RYR3: variants seen among roughly 807,000 people sequenced by gnomAD.
RYR3 encodes the protein brain ryanodine receptor-calcium release channel.
RYR3 carries 207 observed loss-of-function variants against 584.3 expected under a neutral mutation model. That is an observed-to-expected ratio of 0.35 (90% CI 0.32 to 0.40). The LOEUF is 0.40. Ranked by LOEUF, RYR3 falls within the 10% of genes least tolerant of loss-of-function variation. RYR3 has a pLI of 1.00. For synonymous variants in RYR3, 2,416 were observed against 2,248.5 expected (o/e 1.07, Z -2.11); for missense variants, 5,616 against 6,089.2 (o/e 0.92, Z 2.59).
intron 32 of RYR3, among the ~76,000 whole-genome samples, chr15:33,656,914 A>C (rs2062850838): frequency 6.6e-6 from 1 of 152,220 alleles, no homozygotes; most frequent in Non-Finnish European, 1.5e-5. Context: ...TGAAAAGGCC[A>C]ACAAGGTCTC....
At chr15:33,382,905 T>A (rs1426704459) in intron 1 of RYR3, among the ~76,000 whole-genome samples, 1 of 151,832 alleles carries the variant, frequency 6.6e-6, no homozygotes, top group African/African-American at 2.4e-5. Flanking sequence ...TTGGTAATAT[T>A]TGAAATTTTA....
chr15:33,492,874 G>A (rs2051092028), intron 2 of RYR3, among the ~76,000 whole-genome samples: 1 of 152,098 alleles, frequency 6.6e-6, no homozygotes, highest in Non-Finnish European at 1.5e-5. Context: ...GTCATGCAAT[G>A]AAAAGGCCAA....
chr15:33,784,062 G>A lies in RYR3; in HGVS notation c.9269-1600G>A, dbSNP rs114298855. 6.6e-3 allele frequency among the ~76,000 whole-genome samples: 1,007 copies of A among 152,278 alleles called. 17 individuals carry two copies. Among genetic ancestry groups the A allele is most frequent in the African/African-American group, 0.023 (960 of 41,566 alleles). On this transcript the variant is annotated intron_variant, in intron 65 of 103. Coordinates refer to ENST00000634891, the MANE Select transcript of RYR3 (RefSeq NM_001036.6). ...TGATAGCAACAAAAGTCATCACTAC[G>A]GAAAGGCTAATAGTGCTTCACTGGG...
At chr15:33,343,362 A>G (rs1972060734) in intron 1 of RYR3, among the ~76,000 whole-genome samples, 1 of 152,100 alleles carries the variant, frequency 6.6e-6, no homozygotes, top group South Asian at 2.1e-4. Context: ...TCTATTCCCT[A>G]TCTCTTTTAC....
intron 1 of RYR3, among the ~76,000 whole-genome samples, chr15:33,323,746 T>G (rs1051719147): frequency 6.6e-5 from 10 of 152,190 alleles, no homozygotes; most frequent in African/African-American, 2.4e-4. Flanking sequence ...CTCAACCACA[T>G]CCTGTGCTTG....
At chr15:33,704,428 A>T (rs2066538839) in intron 42 of RYR3, among the ~76,000 whole-genome samples, 1 of 152,208 alleles carries the variant, frequency 6.6e-6, no homozygotes, top group South Asian at 2.1e-4. Context: ...TTGCTCCTCC[A>T]GGCTCTGTAG....
At chr15:33,462,997 C>G (rs1392452395) in intron 1 of RYR3, among the ~76,000 whole-genome samples, 1 of 151,896 alleles carries the variant, frequency 6.6e-6, no homozygotes, top group African/African-American at 2.4e-5. Flanking sequence ...ATGGCAAAAC[C>G]CCGTCTCTAC....
chr15:33,696,051 T>C (rs2065838722), intron 38 of RYR3, among the ~76,000 whole-genome samples, 167 bp from the exon 39 acceptor site: 1 of 141,042 alleles, frequency 7.1e-6, no homozygotes. Flanking sequence ...AGCCTCAGCC[T>C]CCCAAATTGC....
chr15:33,463,847 C>T (rs770611260), intron 1 of RYR3, among the ~76,000 whole-genome samples: 15 of 152,138 alleles, frequency 9.9e-5, no homozygotes, highest in Non-Finnish European at 2.2e-4. Context: ...TGCTGGAGCC[C>T]AAAGGGTCCT....
chr15:33,465,751 G>A (rs1259998378), intron 1 of RYR3: 2 of 518,946 alleles, frequency 3.9e-6, no homozygotes, highest in African/African-American at 1.9e-5. Flanking sequence ...CTAGGTGGTG[G>A]TGGTGAAGAG....
chr15:33,450,300 A>G (rs1167118877), intron 1 of RYR3, among the ~76,000 whole-genome samples: 1 of 152,082 alleles, frequency 6.6e-6, no homozygotes. Context: ...TAATGGCTGT[A>G]CTTTATTTGG....
intron 67 of RYR3, among the ~76,000 whole-genome samples, chr15:33,792,781 G>T (rs750990241): frequency 6.6e-6 from 1 of 152,122 alleles, no homozygotes; most frequent in Non-Finnish European, 1.5e-5. Flanking sequence ...GTATCTTAGG[G>T]TATGACCCTT....
At position 33,838,940 on chromosome 15, in the gene RYR3, GA is replaced by G. The variant is rs1397919169; in HGVS notation, c.12962del (p.Lys4321ArgfsTer10). On this transcript the variant is annotated frameshift_variant, in exon 89 of 104. Coordinates refer to ENST00000634891, the MANE Select transcript of RYR3 (RefSeq NM_001036.6). LOFTEE classifies it high-confidence loss of function. ...CCCCTACATTAGAGAGTACTGTACA[GA>G]AGAAGAGGAAAGCTCAGGTAAGTGT... ...EPPTLESTVQKKRKAQAAEMK... is the reference protein window; with the variant it reads ...EPPTLESTVQXKRKAQAAEMK... The G allele has an allele frequency of 6.2e-7, 1 of 1,608,572 alleles. No homozygotes were observed. Among genetic ancestry groups the G allele is most frequent in the East Asian group, 2.2e-5 (1 of 44,866 alleles).
At position 33,788,208 on chromosome 15, in the gene RYR3, G is replaced by T. The variant is rs759672390; in HGVS notation, c.9590-10G>T. On this transcript the variant is annotated splice_polypyrimidine_tract_variant and intron_variant, in intron 66 of 103. Transcript: ENST00000634891. ...ACGTGAAATGACGGGGAGGCTCTTTGTAAACGCAGTGTATGCACAGCCCAT... is the reference window on the plus strand; with the variant it reads ...ACGTGAAATGACGGGGAGGCTCTTTTTAAACGCAGTGTATGCACAGCCCAT... 13 of 1,613,398 alleles carry T rather than the reference G, an allele frequency of 8.1e-6. No individual in the cohort carries two copies. Among genetic ancestry groups the T allele is most frequent in the Non-Finnish European group, 1.1e-5 (13 of 1,179,574 alleles).
At chr15:33,834,438 C>T (rs776550670) in intron 86 of RYR3, among the ~76,000 whole-genome samples, 30 of 151,284 alleles carry the variant, frequency 2.0e-4, no homozygotes, top group Admixed American at 1.6e-3. Flanking sequence ...AAATCCTAGA[C>T]GTGGTTGAAT....
chr15:33,838,627 G>A lies in RYR3; in HGVS notation c.12647G>A (p.Gly4216Glu), dbSNP rs2078179226. 1 of 1,613,918 alleles carries A rather than the reference G, an allele frequency of 6.2e-7. No individual in the cohort carries two copies. The change falls in exon 89 of 104, where the codon GGA (glycine) becomes GAA (glutamate). Residue 4216 changes from glycine to glutamate, a missense_variant. Transcript: ENST00000634891. The part of the protein sequence containing the change: ...IFQILWSTVF[G>E]GGLVEGAKNI... ...CAGATCCTCTGGAGCACAGTGTTTG[G>A]AGGGGGCCTGGTAGAAGGGGCAAAG...
At chr15:33,675,716 G>A (rs1334762248) in intron 38 of RYR3, among the ~76,000 whole-genome samples, 3 of 152,208 alleles carry the variant, frequency 2.0e-5, no homozygotes, top group Non-Finnish European at 4.4e-5. Flanking sequence ...TTGCTTAAAT[G>A]TGTGTCTGGC....
At chr15:33,554,864 G>A (rs1567524063) in intron 10 of RYR3, among the ~76,000 whole-genome samples, 2 of 152,144 alleles carry the variant, frequency 1.3e-5, no homozygotes, top group Non-Finnish European at 2.9e-5. Flanking sequence ...TCAGTTTACA[G>A]CATTGAATTT....
intron 63 of RYR3, among the ~76,000 whole-genome samples, chr15:33,773,251 C>T (rs972060842): frequency 6.6e-6 from 1 of 152,188 alleles, no homozygotes; most frequent in Non-Finnish European, 1.5e-5. Context: ...TGGAAGGACC[C>T]ATTGGTCAAA....
Sources: allele counts gnomAD v4.1 joint callset (sites outside exome capture counted in the v4.1 genomes callset), GRCh38; gene constraint gnomAD v4.1.1; transcripts MANE v1.5; gene names NCBI Gene and HGNC (gene_info 2026-07-23, HGNC 2026-07-21).